PLCH2: variants seen among roughly 807,000 people sequenced by gnomAD.
PLCH2 encodes the protein phospholipase C eta 2.
Under a neutral mutation model 134.7 loss-of-function variants are expected in PLCH2, and 98 were observed. The observed-to-expected ratio is 0.73, with a 90% CI of 0.62 to 0.86. The LOEUF (loss-of-function observed/expected upper bound fraction) is 0.86, where lower values mean the gene tolerates loss of function less well. Ranked by LOEUF, PLCH2 falls within the 40% of genes least tolerant of loss-of-function variation. The pLI, the probability that PLCH2 is intolerant of heterozygous loss-of-function variation, is 0.00. For missense variants in PLCH2, 1,994 were observed against 1,986.6 expected (o/e 1.00, Z -0.07); for synonymous variants, 974 against 827.5 (o/e 1.18, Z -3.04).
chr1:2,428,667 G>A (rs1490887280), intron 1 of PLCH2, among the ~76,000 whole-genome samples: 2 of 152,366 alleles, frequency 1.3e-5, no homozygotes, highest in Middle Eastern at 3.4e-3. Context: ...GTCGGGGCAC[G>A]GCTCCTGCAC....
intron 1 of PLCH2, among the ~76,000 whole-genome samples, chr1:2,469,681 A>G (rs1641234399): frequency 6.6e-6 from 1 of 152,178 alleles, no homozygotes; most frequent in Non-Finnish European, 1.5e-5. Flanking sequence ...TGAGTAATCC[A>G]ACGTGCCTGT....
chr1:2,442,542 G>C (rs2100530045), intron 2 of PLCH2, among the ~76,000 whole-genome samples: 1 of 152,362 alleles, frequency 6.6e-6, no homozygotes, highest in East Asian at 1.9e-4. Context: ...GCCCAGGGAT[G>C]TGTGTGTCCT....
chr1:2,473,298 C>G (rs992433918), upstream of PLCH2, among the ~76,000 whole-genome samples: 3 of 152,170 alleles, frequency 2.0e-5, no homozygotes, highest in African/African-American at 7.2e-5. Flanking sequence ...CCACCAGGGC[C>G]AGGCAGTCAG....
chr1:2,487,156 G>A lies in PLCH2; in HGVS notation c.911-17G>A. 1.9e-6 allele frequency: 3 copies of A among 1,548,698 alleles called. No individual in the cohort carries two copies. The highest frequency in any genetic ancestry group is 2.6e-6 in the Non-Finnish European group (3 of 1,148,450). ...GGTGGTGGGCTGACATGGCCCCTATGCCACGCCGTCCTGCAGGCTTCACCA... is the reference window on the plus strand; with the variant it reads ...GGTGGTGGGCTGACATGGCCCCTATACCACGCCGTCCTGCAGGCTTCACCA... On this transcript the variant is annotated splice_polypyrimidine_tract_variant and intron_variant, in intron 6 of 21. Transcript: ENST00000378486.
intron 2 of PLCH2, among the ~76,000 whole-genome samples, chr1:2,438,067 G>A (rs1017897308): frequency 1.2e-4 from 19 of 152,250 alleles, no homozygotes; most frequent in African/African-American, 4.3e-4. Context: ...ACTTGGTTGT[G>A]TGCTGGCTTT....
chr1:2,492,705 G>A (rs1433391256), intron 11 of PLCH2: 1 of 152,392 alleles, frequency 6.6e-6, no homozygotes, highest in African/African-American at 2.4e-5. Context: ...AGCTCACGGA[G>A]GGCGTGGCCC....
chr1:2,491,359 C>A, intron 11 of PLCH2, 24 bp downstream of exon 11: 1 of 1,605,812 alleles, frequency 6.2e-7, no homozygotes, highest in Non-Finnish European at 8.5e-7. Flanking sequence ...AGGTGACACC[C>A]CTGATGCCGA....
upstream of PLCH2, among the ~76,000 whole-genome samples, chr1:2,423,902 C>T (rs1638644791): frequency 1.3e-5 from 2 of 152,034 alleles, no homozygotes; most frequent in South Asian, 4.2e-4. Flanking sequence ...GCTGCCTGCA[C>T]CACCAGCTTA....
Position 2,496,855 on chromosome 1 carries a change from T to C in PLCH2, c.1961T>C (p.Phe654Ser), listed in dbSNP as rs1354581197. 6.2e-7 allele frequency: 1 copy of C among 1,612,526 alleles called. No individual in the cohort carries two copies. Among genetic ancestry groups the C allele is most frequent in the Non-Finnish European group, 8.5e-7 (1 of 1,179,558 alleles). ...EAASSWQVSS[F>S]SETKAHQILQ... The stretch of plus-strand genomic sequence containing the variant: ...GCGTCCAGCTGGCAGGTGTCGTCCT[T>C]CAGCGAGACCAAGGCCCACCAGATT... Residue 654 changes from phenylalanine to serine, a missense_variant, in exon 15 of 22, where the codon TTC becomes TCC. By Grantham distance (155) the Phe-to-Ser change is radical. Around this residue, in one of 2 missense-constraint regions of PLCH2, gnomAD observed 1,094 missense variants for 1,234.3 expected, o/e 0.89. Coordinates refer to ENST00000378486, the MANE Select transcript of PLCH2 (RefSeq NM_014638.4).
upstream of PLCH2, among the ~76,000 whole-genome samples, chr1:2,474,036 G>A (rs151065304): frequency 7.0e-4 from 106 of 152,250 alleles, no homozygotes; most frequent in Non-Finnish European, 1.0e-3. Flanking sequence ...TGGCTTCTTC[G>A]GCCTCCCTGT....
chr1:2,492,564 C>G (rs578005085), intron 11 of PLCH2: 1 of 152,254 alleles, frequency 6.6e-6, no homozygotes, highest in Admixed American at 6.5e-5. Context: ...GGGGGAGGAG[C>G]GGGAATCCCC....
intron 2 of PLCH2, among the ~76,000 whole-genome samples, chr1:2,436,184 C>T (rs1315406037): frequency 7.3e-6 from 1 of 136,100 alleles, no homozygotes; most frequent in Non-Finnish European, 1.6e-5. Flanking sequence ...CTGCTCCCTC[C>T]TTCCTTCCTC....
chr1:2,475,147 C>T (rs9633288), upstream of PLCH2, among the ~76,000 whole-genome samples: 76 of 152,290 alleles, frequency 5.0e-4, no homozygotes, highest in African/African-American at 1.6e-3. Context: ...CAGCTGGAGA[C>T]GCATGGCCAT....
At position 2,502,191 on chromosome 1, in the gene PLCH2, G is replaced by A. The variant is rs1306789279; in HGVS notation, c.2741G>A (p.Arg914Gln). 19 of 1,533,704 alleles carry A rather than the reference G, an allele frequency of 1.2e-5. No homozygotes were observed. Among genetic ancestry groups the A allele is most frequent in the East Asian group, 2.5e-5 (1 of 40,332 alleles). Reference protein sequence around the residue: ...PGSLDSHAAGRPPARPSVSQR... With the variant: ...PGSLDSHAAGQPPARPSVSQR... ...TCGCTGGACAGTCATGCTGCTGGGC[G>A]GCCCCCGGCCCGGCCCTCCGTTAGC... Residue 914 changes from arginine (R) to glutamine (Q), a missense_variant, in exon 21 of 22, where the codon CGG becomes CAG. Around this residue, in one of 2 missense-constraint regions of PLCH2, gnomAD observed 900 missense variants for 752.3 expected, o/e 1.20. Transcript: ENST00000378486.
At chr1:2,473,920 A>T (rs1285426524), upstream of PLCH2, among the ~76,000 whole-genome samples, 1 of 152,246 alleles carries the variant, frequency 6.6e-6, no homozygotes, top group African/African-American at 2.4e-5. Context: ...GAGCTCCCAC[A>T]TCAGGTGTCC....
At position 2,504,035 on chromosome 1, in the gene PLCH2, A is replaced by G. The variant is rs544926969; in HGVS notation, c.3073A>G (p.Ser1025Gly). ...CCCGCCACCAGCGGCTGTCCCCACCAGCTCTTCTCAGGGACGGCCCCCATA... is the reference window on the plus strand; with the variant it reads ...CCCGCCACCAGCGGCTGTCCCCACCGGCTCTTCTCAGGGACGGCCCCCATA... ...GPPPPAAVPT[S>G]SSQGRPPYPT... Residue 1025 changes from serine (S) to glycine (G), a missense_variant, in exon 22 of 22, where the codon AGC (serine) becomes GGC (glycine). Around this residue, in one of 2 missense-constraint regions of PLCH2, gnomAD observed 900 missense variants for 752.3 expected, o/e 1.20. Transcript: ENST00000378486. The G allele has an allele frequency of 6.5e-7, 1 of 1,539,788 alleles. No homozygotes were observed. The highest frequency in any genetic ancestry group is 1.4e-5 in the African/African-American group (1 of 71,946).
chr1:2,473,847 G>C (rs142843774), upstream of PLCH2, among the ~76,000 whole-genome samples: 2 of 152,248 alleles, frequency 1.3e-5, no homozygotes. Flanking sequence ...CAGGACTGCC[G>C]GCCCTTCCCA....
chr1:2,478,364 C>T (rs975677310), intron 1 of PLCH2, 112 bp from the exon 2 acceptor site: 1 of 1,346,896 alleles, frequency 7.4e-7, no homozygotes, highest in African/African-American at 1.4e-5. Flanking sequence ...CGTGCCTCCG[C>T]TGACGGCCGT....
At chr1:2,456,946 G>A (rs71630978) in intron 2 of PLCH2, among the ~76,000 whole-genome samples, 1 of 152,122 alleles carries the variant, frequency 6.6e-6, no homozygotes, top group Non-Finnish European at 1.5e-5. Context: ...GGGGCGATCC[G>A]CACCTCCTCT....
Sources: allele counts gnomAD v4.1 joint callset (sites outside exome capture counted in the v4.1 genomes callset), GRCh38; gene constraint gnomAD v4.1.1; regional missense constraint gnomAD v4.1.1; transcripts MANE v1.5; gene names NCBI Gene and HGNC (gene_info 2026-07-23, HGNC 2026-07-21).